Variants in GTF2H1 observed in about 807,000 individuals in gnomAD.
The protein encoded by GTF2H1 is BTF2 p62.
Under a neutral mutation model 71.2 loss-of-function variants are expected in GTF2H1, and 16 were observed. The ratio of observed to expected loss-of-function variants is 0.22; its 90% CI spans 0.15 to 0.34. The LOEUF is 0.34. Ranked by LOEUF, GTF2H1 falls within the 10% of genes least tolerant of loss-of-function variation. The pLI is 1.00. For missense variants in GTF2H1, 498 were observed against 648.2 expected, an observed-to-expected ratio of 0.77 and a Z score of 2.52; for synonymous variants, 215 against 219.0, an observed-to-expected ratio of 0.98 and a Z score of 0.16.
intron 9 of GTF2H1, among the ~76,000 whole-genome samples, chr11:18,350,822 C>G (rs1339385183): frequency 2.0e-5 from 3 of 152,124 alleles, no homozygotes; most frequent in South Asian, 4.2e-4. Context: ...GATCATGTAT[C>G]TTTCATAAGT....
In GTF2H1 at chr11:18,333,239, T is replaced by C; in HGVS notation, c.154+11T>C. On this transcript the variant is annotated intron_variant, in intron 2 of 14. Coordinates refer to ENST00000265963, the MANE Select transcript of GTF2H1 (RefSeq NM_005316.4). Reference sequence around the variant, plus strand: ...ATGCAGATATTAAATGTAAGTCAGCTATACTAAGTTCTGATGTATTTGTAT... The same window carrying C: ...ATGCAGATATTAAATGTAAGTCAGCCATACTAAGTTCTGATGTATTTGTAT... The C allele has an allele frequency of 1.4e-5, 23 of 1,593,844 alleles. No homozygotes were observed. Among genetic ancestry groups the C allele is most frequent in the Non-Finnish European group, 2.0e-5 (23 of 1,164,648 alleles).
At chr11:18,352,267 A>G in intron 10 of GTF2H1, 62 bp from the exon 11 acceptor site, 1 of 781,084 alleles carries the variant, frequency 1.3e-6, no homozygotes, top group Non-Finnish European at 2.2e-6. Context: ...AAATGTTGCA[A>G]AGACAAATGT....
intron 1 of GTF2H1, among the ~76,000 whole-genome samples, chr11:18,330,043 C>T (rs1864858649): frequency 6.6e-6 from 1 of 152,200 alleles, no homozygotes; most frequent in African/African-American, 2.4e-5. Flanking sequence ...CTGAAATGTT[C>T]TGTCTCTCAT....
At position 18,347,668 on chromosome 11, in the gene GTF2H1, A is replaced by T. The variant is rs1311288283; in HGVS notation, c.918A>T (p.Arg306Ser). Residue 306 changes from arginine to serine, a missense_variant, in exon 8 of 15, where the codon AGA becomes AGT. By Grantham distance (110) the Arg-to-Ser change is moderately radical. Coordinates refer to ENST00000265963, the MANE Select transcript of GTF2H1 (RefSeq NM_005316.4). Reference sequence around the variant, plus strand: ...ATAGTAATGCTGCCATCATCAAGAGATTTAACCATCACAGTGCCATGGTCC... The same window carrying T: ...ATAGTAATGCTGCCATCATCAAGAGTTTTAACCATCACAGTGCCATGGTCC... ...KENSNAAIIK[R>S]FNHHSAMVLA... 5 of 1,613,306 alleles carry T rather than the reference A, an allele frequency of 3.1e-6. 1 individual carries two copies. Among genetic ancestry groups the T allele is most frequent in the South Asian group, 2.2e-5 (2 of 91,070 alleles).
chr11:18,349,639 C>T (rs955923191), intron 9 of GTF2H1, among the ~76,000 whole-genome samples: 3 of 152,078 alleles, frequency 2.0e-5, no homozygotes, highest in African/African-American at 4.8e-5. Context: ...GCTGGGATCG[C>T]GTCGCTGCAC....
At chr11:18,340,395 C>A (rs1446405633) in intron 5 of GTF2H1, among the ~76,000 whole-genome samples, 3 of 151,976 alleles carry the variant, frequency 2.0e-5, no homozygotes, top group Non-Finnish European at 4.4e-5. Flanking sequence ...TCAAGTGATT[C>A]TACTGCCTCC....
intron 14 of GTF2H1, among the ~76,000 whole-genome samples, chr11:18,365,070 T>C (rs1201175648): frequency 1.8e-5 from 2 of 111,524 alleles, no homozygotes; most frequent in South Asian, 2.9e-4. Flanking sequence ...TCTCCACTAT[T>C]TAAAAAAGAA....
rs1176732338 is a variant in GTF2H1, at chr11:18,353,418, C to T, written c.1260+972C>T. ...AGCGATAGTCTCCGCTACTCCCTTC[C>T]ACACATGGCCAAGGGTTCCAGCCTA... On this transcript the variant is annotated intron_variant, in intron 11 of 14. Transcript: ENST00000265963. 3.3e-5 allele frequency among the ~76,000 whole-genome samples: 5 copies of T among 152,316 alleles called. No homozygotes were observed. The East Asian group carries it at 9.6e-4, about 29-fold the overall frequency.
intron 10 of GTF2H1, 102 bp from the exon 11 acceptor site, chr11:18,352,227 G>C: frequency 1.5e-6 from 1 of 658,972 alleles, no homozygotes; most frequent in Non-Finnish European, 2.7e-6. Context: ...ATCGTTTCTT[G>C]CCTTGAGGGG....
chr11:18,347,606 G>A lies in GTF2H1; in HGVS notation c.856G>A (p.Val286Met). Reference sequence around the variant, plus strand: ...CTCACAGGGCTATGGCATTTCCTCTGTGCCATCTGCTTCCAATTCTAAATC... The same window carrying A: ...CTCACAGGGCTATGGCATTTCCTCTATGCCATCTGCTTCCAATTCTAAATC... ...PLDEGYGISS[V>M]PSASNSKSIK... The change falls in exon 8 of 15, where the codon GTG becomes ATG. Residue 286 changes from valine (V) to methionine (M), a missense_variant. This residue lies in a region of GTF2H1 where 16 missense variants were observed against 40.5 expected (regional missense o/e 0.40). Transcript: ENST00000265963. 1 of 1,609,818 alleles carries A rather than the reference G, an allele frequency of 6.2e-7. No homozygotes were observed. Among genetic ancestry groups the A allele is most frequent in the Non-Finnish European group, 8.5e-7 (1 of 1,176,680 alleles).
rs2133958158 is a variant in GTF2H1 at position 18,333,393 on chromosome 11, A to G, written c.154+165A>G. 2.2e-5 allele frequency: 11 copies of G among 502,408 alleles called. No homozygotes were observed. The South Asian group carries it at 3.2e-4, about 14-fold the overall frequency. 31.1% of individuals were successfully genotyped at this position (502,408 alleles called of 1,614,324 possible). ...TACTGTTTTATAACCTGACCTTTTC[A>G]CTTAATAACAGAACAGGTACAGGTT... On this transcript the variant is annotated intron_variant, in intron 2 of 14. Transcript: ENST00000265963.
At chr11:18,345,608 C>T (rs540478258) in intron 7 of GTF2H1, among the ~76,000 whole-genome samples, 2 of 151,186 alleles carry the variant, frequency 1.3e-5, no homozygotes, top group South Asian at 2.1e-4. Flanking sequence ...AAGCACTTCT[C>T]CTCCCTCAGC....
intron 9 of GTF2H1, chr11:18,348,688 T>C (rs1042967963): frequency 6.6e-6 from 1 of 152,244 alleles, no homozygotes; most frequent in Non-Finnish European, 1.5e-5. Flanking sequence ...TTTGAAAGCA[T>C]TAATGATAAT....
intron 11 of GTF2H1, among the ~76,000 whole-genome samples, chr11:18,353,721 T>A (rs1865478544): frequency 6.6e-6 from 1 of 152,240 alleles, no homozygotes; most frequent in Non-Finnish European, 1.5e-5. Context: ...AGACTTACTT[T>A]TTTACTTTTT....
rs1565005467 is a variant in GTF2H1, at chr11:18,333,042, C to T, written c.-15-18C>T. The T allele has an allele frequency of 6.4e-7, 1 of 1,550,926 alleles. No individual in the cohort carries two copies. The highest frequency in any genetic ancestry group is 2.0e-5 in the Admixed American group (1 of 48,960). On this transcript the variant is annotated intron_variant, in intron 1 of 14. Transcript: ENST00000265963. ...TGTGTGGAATAGTTTTTTTCTTCATCTTTTTTTTCTCTCTTAGCACCTTCT... is the reference window on the plus strand; with the variant it reads ...TGTGTGGAATAGTTTTTTTCTTCATTTTTTTTTTCTCTCTTAGCACCTTCT...
At chr11:18,348,534 C>T (rs1865352031) in intron 9 of GTF2H1, 1 of 152,364 alleles carries the variant, frequency 6.6e-6, no homozygotes, top group African/African-American at 2.4e-5. Flanking sequence ...CTTAGTTCTA[C>T]TTGTGGACAT....
At chr11:18,354,436 T>C (rs1865496314) in intron 11 of GTF2H1, among the ~76,000 whole-genome samples, 1 of 152,240 alleles carries the variant, frequency 6.6e-6, no homozygotes, top group Non-Finnish European at 1.5e-5. Context: ...TATTTTTTAA[T>C]ATTATTATCT....
At chr11:18,327,499 AC>A (rs1370746208) in intron 1 of GTF2H1, among the ~76,000 whole-genome samples, 1 of 152,220 alleles carries the variant, frequency 6.6e-6, no homozygotes, top group East Asian at 1.9e-4. Flanking sequence ...TTCCTTATCT[AC>A]AAAATGTAAC....
chr11:18,366,764 A>T lies in GTF2H1; in HGVS notation c.*895A>T, dbSNP rs549789502. The T allele has an allele frequency of 1.8e-4, 28 of 152,582 alleles. No homozygotes were observed. The highest frequency in any genetic ancestry group is 5.2e-4 in the Admixed American group (8 of 15,290). 9.5% of individuals were successfully genotyped at this position (152,582 alleles called of 1,614,324 possible). A position where few individuals can be genotyped will look rare whatever the true frequency, so the allele number is the denominator to read the frequency against. ...AAAAATCTTATGAGTGAGAAATATT[A>T]AAAAAATCTTATTTTCACCTCTTTA... On this transcript the variant is annotated 3_prime_UTR_variant, in exon 15 of 15. Coordinates refer to ENST00000265963, the MANE Select transcript of GTF2H1 (RefSeq NM_005316.4).
Sources: gnomAD v4.1 joint callset for allele counts (sites outside exome capture counted in the v4.1 genomes callset) on GRCh38, gnomAD v4.1.1 for gene constraint, gnomAD v4.1.1 regional missense constraint, MANE v1.5 for transcripts, NCBI Gene and HGNC (gene_info 2026-07-23, HGNC 2026-07-21) for gene names.